The following TLE5 variants were observed in gnomAD, a reference collection of about 807,000 sequenced individuals.
TLE5 encodes the protein TLE family member 5, transcriptional modulator, also known as TLE family member 5.
In TLE5, 7 loss-of-function variants were observed where a neutral mutation model predicts 25.8. The ratio of observed to expected loss-of-function variants is 0.27; its 90% confidence interval spans 0.15 to 0.51. The LOEUF (loss-of-function observed/expected upper bound fraction) is 0.51, where lower values mean the gene tolerates loss of function less well. TLE5 is among the 20% of genes least tolerant of loss of function. TLE5 has a pLI of 0.97. For missense variants in TLE5, 149 were observed against 250.7 expected, an observed-to-expected ratio of 0.59 and a Z score of 2.74; for synonymous variants, 132 against 110.5, an observed-to-expected ratio of 1.20 and a Z score of -1.22.
chr19:3,056,559 G>C (rs1278129641), intron 3 of TLE5: 1 of 642,012 alleles, frequency 1.6e-6, no homozygotes, highest in Non-Finnish European at 2.8e-6. Context: ...GCCCGCCCTG[G>C]AGAGGGGCAG....
intron 2 of TLE5, among the ~76,000 whole-genome samples, chr19:3,059,792 C>T (rs2090249602): frequency 6.6e-6 from 1 of 152,154 alleles, no homozygotes; most frequent in Non-Finnish European, 1.5e-5. Flanking sequence ...CAGGTCAGCC[C>T]CGGGGCTCAC....
chr19:3,059,336 A>T (rs1324732268), intron 2 of TLE5, among the ~76,000 whole-genome samples: 1 of 152,152 alleles, frequency 6.6e-6, no homozygotes, highest in African/African-American at 2.4e-5. Context: ...AGCCTGGCCA[A>T]CATAACGAAA....
chr19:3,060,412 A>C (rs1445047803), intron 2 of TLE5, among the ~76,000 whole-genome samples: 4 of 137,146 alleles, frequency 2.9e-5, no homozygotes, highest in African/African-American at 5.7e-5. Context: ...TGCTCACTGC[A>C]ACCTCCGCCT....
chr19:3,058,337 A>G (rs1345164555), intron 2 of TLE5, among the ~76,000 whole-genome samples: 2 of 152,138 alleles, frequency 1.3e-5, no homozygotes, highest in Non-Finnish European at 2.9e-5. Context: ...TAGATGACAC[A>G]GTGGACACCC....
chr19:3,059,461 G>A (rs1230565427), intron 2 of TLE5, among the ~76,000 whole-genome samples: 2 of 152,218 alleles, frequency 1.3e-5, no homozygotes, highest in Non-Finnish European at 2.9e-5. Context: ...GGTGGAGGTT[G>A]CAGTGAGCCG....
At chr19:3,056,519 G>A (rs1599270118) in intron 3 of TLE5, 163 bp from the exon 4 acceptor site, 2 of 602,050 alleles carry the variant, frequency 3.3e-6, no homozygotes, top group Middle Eastern at 5.2e-4. Context: ...AGGGAAAGAG[G>A]AGGGAGAGAC....
In TLE5 at chr19:3,061,361, GC is replaced by G. The variant is rs1268462209; in HGVS notation, c.28-105del. ...GCGCAGCTGCGGCGCCCCCCCTCCT[GC>G]CCCACTTCCTGGGCCCGTGTTTACG... On this transcript the variant is annotated intron_variant, in intron 1 of 6. Coordinates refer to ENST00000327141, the MANE Select transcript of TLE5 (RefSeq NM_001130.6). The G allele has an allele frequency of 4.8e-6, 4 of 827,460 alleles. No individual in the cohort carries two copies. In the East Asian group the frequency reaches 7.8e-5, roughly 16 times the overall value. The allele number at this position is 827,460 out of a possible 1,614,324, so 51.3% of individuals were successfully genotyped here.
chr19:3,054,049 CG>C lies in TLE5; in HGVS notation c.373-10del. 1 of 1,577,082 alleles carries C rather than the reference CG, an allele frequency of 6.3e-7. No individual in the cohort carries two copies. The highest frequency in any genetic ancestry group is 8.6e-7 in the Non-Finnish European group (1 of 1,162,966). ...TGGGCTTGGAGCTGCTGCTGCAGGG[CG>C]GGGGAGGGGAACATTAGCTGCCTGG... is the stretch of plus-strand genomic sequence containing the variant. On this transcript the variant is annotated splice_polypyrimidine_tract_variant and intron_variant, in intron 6 of 6. Coordinates refer to ENST00000327141, the MANE Select transcript of TLE5 (RefSeq NM_001130.6).
chr19:3,054,086 T>TCGGGGGGGGGGGCCCCCCCCC, intron 6 of TLE5, 34 bp downstream of exon 6: 14 of 1,512,776 alleles, frequency 9.3e-6, no homozygotes, highest in African/African-American at 1.4e-5. Context: ...GGCCCACCTG[T>TCGGGGGGGGGGGCCCCCCCCC]CCCCCGCCCA....
intron 3 of TLE5, chr19:3,056,706 T>C: frequency 2.3e-6 from 1 of 437,020 alleles, no homozygotes; most frequent in Non-Finnish European, 4.4e-6. Flanking sequence ...ATGTCTTGTC[T>C]GCGGGTGGGC....
intron 2 of TLE5, among the ~76,000 whole-genome samples, chr19:3,058,327 T>C (rs932381627): frequency 4.6e-5 from 7 of 152,144 alleles, no homozygotes; most frequent in Non-Finnish European, 7.3e-5. Context: ...GCTCCTTTTA[T>C]AGATGACACA....
At position 3,053,382 on chromosome 19, in the gene TLE5, G is replaced by T. The variant is rs983366778; in HGVS notation, c.*437C>A. ...GGACCCGGGGTCGGGGGAGACTCGG[G>T]GTGCCCAGGACGGGAAAGGGGCAGC... On this transcript the variant is annotated 3_prime_UTR_variant, in exon 7 of 7. Coordinates refer to ENST00000327141, the MANE Select transcript of TLE5 (RefSeq NM_001130.6). 4 of 166,618 alleles carry T rather than the reference G, an allele frequency of 2.4e-5. No individual in the cohort carries two copies. Among genetic ancestry groups the T allele is most frequent in the African/African-American group, 9.6e-5 (4 of 41,780 alleles). 10.3% of individuals were successfully genotyped at this position (166,618 alleles called of 1,614,324 possible).
intron 2 of TLE5, among the ~76,000 whole-genome samples, chr19:3,060,583 C>T (rs1032175604): frequency 1.3e-4 from 20 of 152,008 alleles, no homozygotes; most frequent in African/African-American, 4.8e-4. Flanking sequence ...CCACCTTCCT[C>T]GGCCTCCCAA....
chr19:3,055,890 G>A, intron 4 of TLE5, 164 bp from the exon 5 acceptor site: 1 of 669,886 alleles, frequency 1.5e-6, no homozygotes, highest in South Asian at 2.3e-5. Context: ...CGGGCCCGAG[G>A]GCAGCCAGTC....
At chr19:3,057,601 A>AGCT in intron 3 of TLE5, 78 bp downstream of exon 3, 1 of 1,405,110 alleles carries the variant, frequency 7.1e-7, no homozygotes, top group East Asian at 2.3e-5. Context: ...TTGAGGGAGC[A>AGCT]GCTGCCCGTG....
At chr19:3,054,390 G>A (rs531878283) in intron 5 of TLE5, 196 bp from the exon 6 acceptor site, 19 of 605,074 alleles carry the variant, frequency 3.1e-5, no homozygotes, top group Middle Eastern at 4.4e-4. Flanking sequence ...TCGTCTCTTC[G>A]TCTGGCCAAC....
At chr19:3,056,274 G>A in intron 4 of TLE5, 38 bp downstream of exon 4, 2 of 973,072 alleles carry the variant, frequency 2.1e-6, no homozygotes, top group South Asian at 2.2e-5. Context: ...GGAGGGGGAA[G>A]GAGGAGGAGG....
intron 2 of TLE5, among the ~76,000 whole-genome samples, chr19:3,058,118 G>A (rs891170082): frequency 1.3e-5 from 2 of 152,104 alleles, no homozygotes; most frequent in Admixed American, 1.3e-4. Context: ...CTGCGGGGAG[G>A]GGAGAGCATC....
At chr19:3,056,439 G>C (rs1458176782) in intron 3 of TLE5, 83 bp from the exon 4 acceptor site, 3 of 538,424 alleles carry the variant, frequency 5.6e-6, no homozygotes, top group Non-Finnish European at 1.0e-5. Flanking sequence ...TAGGGGAGTG[G>C]CAGAGACAGA....
Sources: gnomAD v4.1 joint callset for allele counts (sites outside exome capture counted in the v4.1 genomes callset) on GRCh38, gnomAD v4.1.1 for gene constraint, MANE v1.5 for transcripts, NCBI Gene and HGNC (gene_info 2026-07-23, HGNC 2026-07-21) for gene names.